Variants in DLG2 observed in about 807,000 individuals in gnomAD.
DLG2 encodes the protein discs large MAGUK scaffold protein 2, also known as disks large homolog 2.
DLG2 carries 45 observed loss-of-function variants against 132.5 expected under a neutral mutation model. That is an observed-to-expected ratio of 0.34 (90% CI 0.27 to 0.44). The LOEUF (loss-of-function observed/expected upper bound fraction) is 0.44. Ranked by LOEUF, DLG2 falls within the 20% of genes least tolerant of loss-of-function variation. DLG2 has a pLI of 1.00. For missense variants in DLG2, 1,045 were observed against 1,196.9 expected (o/e 0.87, Z 1.87); for synonymous variants, 424 against 419.6 (o/e 1.01, Z -0.13).
chr11:85,320,999 T>C (rs2081025886), intron 3 of DLG2, among the ~76,000 whole-genome samples: 1 of 151,644 alleles, frequency 6.6e-6, no homozygotes, highest in East Asian at 1.9e-4. Context: ...CTTAGTCTCA[T>C]GTATGGTCCA....
intron 3 of DLG2, among the ~76,000 whole-genome samples, chr11:85,362,507 T>G (rs1053490093): frequency 6.6e-6 from 1 of 152,106 alleles, no homozygotes; most frequent in Non-Finnish European, 1.5e-5. Context: ...TCTCAGAGTT[T>G]TTTTGGTGGA....
At chr11:84,181,512 T>C (rs2096127734) in intron 8 of DLG2, among the ~76,000 whole-genome samples, 1 of 152,062 alleles carries the variant, frequency 6.6e-6, no homozygotes. Flanking sequence ...TTAATCCAAG[T>C]AGTAAATACA....
chr11:84,654,617 G>T (rs769208191), intron 6 of DLG2, among the ~76,000 whole-genome samples: 1 of 152,144 alleles, frequency 6.6e-6, no homozygotes, highest in Non-Finnish European at 1.5e-5. Flanking sequence ...ATTAAAGGAC[G>T]TGCTGTTCTG....
intron 3 of DLG2, among the ~76,000 whole-genome samples, chr11:85,393,171 T>A (rs118069514): frequency 0.023 from 3,564 of 152,130 alleles, 65 homozygotes; most frequent in South Asian, 0.051. Flanking sequence ...AGGACATGAA[T>A]AAATAATTCT....
At chr11:85,067,605 A>G (rs559562702) in intron 6 of DLG2, among the ~76,000 whole-genome samples, 130 of 151,924 alleles carry the variant, frequency 8.6e-4, no homozygotes, top group Non-Finnish European at 1.6e-3. Flanking sequence ...GAATCCCTGA[A>G]TAGACCAATA....
chr11:83,804,579 G>GACACACACACAC (rs61221099), intron 17 of DLG2, among the ~76,000 whole-genome samples: 5,212 of 142,054 alleles, frequency 0.037, 205 homozygotes, highest in African/African-American at 0.085. Context: ...CCTAGCAGAA[G>GACACACACACAC]ACACACACAC....
At chr11:84,221,930 T>C (rs1023798409) in intron 8 of DLG2, among the ~76,000 whole-genome samples, 1 of 152,168 alleles carries the variant, frequency 6.6e-6, no homozygotes, top group African/African-American at 2.4e-5. Flanking sequence ...ATAGATATTA[T>C]GTTATTAGAT....
chr11:84,850,065 G>A (rs772825493), intron 6 of DLG2, among the ~76,000 whole-genome samples: 1 of 151,770 alleles, frequency 6.6e-6, no homozygotes, highest in Non-Finnish European at 1.5e-5. Context: ...TTCCTTGATG[G>A]TAAAAAACCA....
chr11:84,030,395 C>T (rs1442247020), intron 11 of DLG2, among the ~76,000 whole-genome samples: 5 of 152,082 alleles, frequency 3.3e-5, no homozygotes, highest in African/African-American at 7.2e-5. Flanking sequence ...AAGCATAGAA[C>T]TATAAATAGC....
At chr11:84,014,654 G>A (rs2514168) in intron 11 of DLG2, among the ~76,000 whole-genome samples, 23,965 of 152,030 alleles carry the variant, frequency 0.16, 2,807 homozygotes, top group African/African-American at 0.31. Context: ...CATGTAATGA[G>A]TCTTAGAAAA....
intron 3 of DLG2, among the ~76,000 whole-genome samples, chr11:85,589,465 A>G (rs1222546437): frequency 6.6e-6 from 1 of 152,136 alleles, no homozygotes; most frequent in Non-Finnish European, 1.5e-5. Flanking sequence ...ACTACTGGGT[A>G]TAGAGAAATA....
At chr11:84,749,291 A>G (rs1216853352) in intron 6 of DLG2, among the ~76,000 whole-genome samples, 1 of 152,156 alleles carries the variant, frequency 6.6e-6, no homozygotes, top group African/African-American at 2.4e-5. Context: ...CAACTTCTCA[A>G]TCAAATCAAG....
At chr11:85,571,213 A>G (rs1244399729) in intron 3 of DLG2, among the ~76,000 whole-genome samples, 1 of 152,202 alleles carries the variant, frequency 6.6e-6, no homozygotes, top group Non-Finnish European at 1.5e-5. Flanking sequence ...CACTTAAAAT[A>G]TAATGTGGCA....
At chr11:83,999,496 C>A (rs578098940) in intron 11 of DLG2, among the ~76,000 whole-genome samples, 23 of 152,246 alleles carry the variant, frequency 1.5e-4, no homozygotes, top group Non-Finnish European at 2.6e-4. Context: ...AACCTGCCCA[C>A]CTGCCTGGCT....
intron 11 of DLG2, among the ~76,000 whole-genome samples, chr11:84,016,067 T>C (rs557102698): frequency 1.5e-4 from 23 of 152,274 alleles, no homozygotes; most frequent in African/African-American, 5.1e-4. Flanking sequence ...CTTTGAATAA[T>C]AGCCATTCTG....
chr11:85,286,651 G>C (rs1159203885), intron 3 of DLG2, among the ~76,000 whole-genome samples: 1 of 152,086 alleles, frequency 6.6e-6, no homozygotes, highest in East Asian at 1.9e-4. Flanking sequence ...TTTAGAAACA[G>C]AAATGAATAT....
chr11:84,960,316 A>C (rs1383940467), intron 6 of DLG2, among the ~76,000 whole-genome samples: 1 of 152,226 alleles, frequency 6.6e-6, no homozygotes, highest in African/African-American at 2.4e-5. Flanking sequence ...GAAATAAAGG[A>C]ATATTTAATG....
At chr11:84,388,293 A>C (rs939482652) in intron 7 of DLG2, among the ~76,000 whole-genome samples, 29 of 152,118 alleles carry the variant, frequency 1.9e-4, no homozygotes, top group African/African-American at 6.8e-4. Flanking sequence ...TAAATCTTTC[A>C]TATTGTCAAT....
chr11:85,226,143 G>A (rs116871290), intron 4 of DLG2, among the ~76,000 whole-genome samples: 2,927 of 150,286 alleles, frequency 0.019, 57 homozygotes, highest in Admixed American at 0.036. Context: ...AACAATATAT[G>A]TGTTATAATT....
Sources: gnomAD v4.1 joint callset for allele counts (sites outside exome capture counted in the v4.1 genomes callset) on GRCh38, gnomAD v4.1.1 for gene constraint, MANE v1.5 for transcripts, NCBI Gene and HGNC (gene_info 2026-07-23, HGNC 2026-07-21) for gene names.